The following C19orf12 variants were observed in gnomAD, a reference collection of about 807,000 sequenced individuals.
C19orf12 encodes protein C19orf12.
In C19orf12, 2 loss-of-function variants were observed where a neutral mutation model predicts 3.8. That is an observed-to-expected ratio of 0.53 (90% CI 0.22 to 1.66). C19orf12 has a LOEUF of 1.66. Ranked by LOEUF, C19orf12 falls within the 40% of genes most tolerant of loss-of-function variation. C19orf12 has a pLI of 0.20. For synonymous variants in C19orf12, 89 were observed against 84.6 expected (o/e 1.05, Z -0.28); for missense variants, 156 against 188.8 (o/e 0.83, Z 1.02).
rs1387350950 is a variant in C19orf12, at chr19:29,701,470, A to G, written c.*1242T>C. Reference sequence around the variant, plus strand: ...ATATTGTTTAGGGAATAATGGCAAGAAAAAAAGGTCTGTACGTGTTCAGTA... The same window carrying G: ...ATATTGTTTAGGGAATAATGGCAAGGAAAAAAGGTCTGTACGTGTTCAGTA... On this transcript the variant is annotated 3_prime_UTR_variant, in exon 3 of 3. Coordinates refer to ENST00000323670, the MANE Select transcript of C19orf12 (RefSeq NM_031448.6). The G allele has an allele frequency of 2.2e-6, 1 of 453,982 alleles. No individual in the cohort carries two copies. Among genetic ancestry groups the G allele is most frequent in the Admixed American group, 2.3e-5 (1 of 42,574 alleles). 28.1% of individuals were successfully genotyped at this position (453,982 alleles called of 1,614,324 possible). A position where few individuals can be genotyped will look rare whatever the true frequency, so the allele number is the denominator to read the frequency against.
At chr19:29,704,497 G>T (rs1972274610) in intron 2 of C19orf12, among the ~76,000 whole-genome samples, 1 of 152,158 alleles carries the variant, frequency 6.6e-6, no homozygotes, top group African/African-American at 2.4e-5. Flanking sequence ...ATGTAAGGTA[G>T]CTTACTATTT....
At chr19:29,714,558 C>T (rs1309902034) in intron 1 of C19orf12, among the ~76,000 whole-genome samples, 1 of 152,178 alleles carries the variant, frequency 6.6e-6, no homozygotes, top group Non-Finnish European at 1.5e-5. Context: ...ATTAACGACC[C>T]TTCCTGACCA....
At chr19:29,703,368 T>TTTTTC (rs1568327961) in intron 2 of C19orf12, among the ~76,000 whole-genome samples, 170 of 149,248 alleles carry the variant, frequency 1.1e-3, no homozygotes, top group Middle Eastern at 3.5e-3. Flanking sequence ...ATGCATTTTC[T>TTTTTC]TTTTCTTTTC....
chr19:29,715,509 C>G, upstream of C19orf12: 1 of 317,476 alleles, frequency 3.1e-6, no homozygotes, highest in Non-Finnish European at 6.6e-6. Flanking sequence ...TCCCGCAGGC[C>G]CAGCCCTGCC....
At chr19:29,715,471 A>T (rs762850161), upstream of C19orf12, 4 of 394,470 alleles carry the variant, frequency 1.0e-5, no homozygotes, top group South Asian at 6.9e-5. Flanking sequence ...GCGCCCGGAG[A>T]AGAGTCCTGG....
intron 1 of C19orf12, among the ~76,000 whole-genome samples, chr19:29,713,996 C>CTT (rs1310807912): frequency 1.5e-5 from 2 of 133,490 alleles, no homozygotes; most frequent in Admixed American, 1.6e-4. Flanking sequence ...CTCTTTCGTT[C>CTT]TCTCTCTCTC....
intron 1 of C19orf12, chr19:29,708,660 C>T: frequency 1.7e-6 from 1 of 578,728 alleles, no homozygotes; most frequent in Admixed American, 2.7e-5. Context: ...GTCTTCTTTG[C>T]CCTCTGATTA....
In C19orf12 at chr19:29,701,620, T is replaced by C. The variant is rs1350284628; in HGVS notation, c.*1092A>G. 2 of 453,904 alleles carry C rather than the reference T, an allele frequency of 4.4e-6. No individual in the cohort carries two copies. Among genetic ancestry groups the C allele is most frequent in the Non-Finnish European group, 8.8e-6 (2 of 226,798 alleles). 28.1% of individuals were successfully genotyped at this position (453,904 alleles called of 1,614,324 possible). A position where few individuals can be genotyped will look rare whatever the true frequency, so the allele number is the denominator to read the frequency against. ...TTAGGGTAGAAACATTTCTTAGAGA[T>C]GGTTTATATCACACCACTTCAGAAA... On this transcript the variant is annotated 3_prime_UTR_variant, in exon 3 of 3. Transcript: ENST00000323670.
Position 29,701,250 on chromosome 19 carries a change from G to A in C19orf12, c.*1462C>T, listed in dbSNP as rs894054922. 1 of 454,116 alleles carries A rather than the reference G, an allele frequency of 2.2e-6. No homozygotes were observed. The allele number at this position is 454,116 out of a possible 1,614,324, so 28.1% of individuals were successfully genotyped here. A position where few individuals can be genotyped will look rare whatever the true frequency, so the allele number is the denominator to read the frequency against. ...AAACACACAGTACAGCTATGCCTCA[G>A]TATCCATGGGGGATGGGTTCCAGGA... is the stretch of plus-strand genomic sequence containing the variant. On this transcript the variant is annotated 3_prime_UTR_variant, in exon 3 of 3. Coordinates refer to ENST00000323670, the MANE Select transcript of C19orf12 (RefSeq NM_031448.6).
At position 29,700,791 on chromosome 19, in the gene C19orf12, A is replaced by G. The variant is rs1972045010; in HGVS notation, c.*1921T>C. On this transcript the variant is annotated 3_prime_UTR_variant, in exon 3 of 3. Coordinates refer to ENST00000323670, the MANE Select transcript of C19orf12 (RefSeq NM_031448.6). The stretch of plus-strand genomic sequence containing the variant: ...GGTTATAATTCACCCTGACGTCCTT[A>G]CACACATGGAGGTGCCAGGATACTG... 1 of 454,008 alleles carries G rather than the reference A, an allele frequency of 2.2e-6. No homozygotes were observed. Among genetic ancestry groups the G allele is most frequent in the Non-Finnish European group, 4.4e-6 (1 of 226,794 alleles). The allele number at this position is 454,008 out of a possible 1,614,324, so 28.1% of individuals were successfully genotyped here. A position where few individuals can be genotyped will look rare whatever the true frequency, so the allele number is the denominator to read the frequency against.
chr19:29,700,700 A>T lies in C19orf12; in HGVS notation c.*2012T>A, dbSNP rs997507816. 4 of 454,166 alleles carry T rather than the reference A, an allele frequency of 8.8e-6. No individual in the cohort carries two copies. In the Admixed American group the frequency reaches 9.4e-5, roughly 11 times the overall value. The allele number at this position is 454,166 out of a possible 1,614,324, so 28.1% of individuals were successfully genotyped here. A position where few individuals can be genotyped will look rare whatever the true frequency, so the allele number is the denominator to read the frequency against. ...TGTGCTAGGGCACCTGATTTGTGCT[A>T]GACGAGGCCAGCAGAAGAGCAATCG... is the stretch of plus-strand genomic sequence containing the variant. On this transcript the variant is annotated 3_prime_UTR_variant, in exon 3 of 3. Coordinates refer to ENST00000323670, the MANE Select transcript of C19orf12 (RefSeq NM_031448.6).
At position 29,702,399 on chromosome 19, in the gene C19orf12, C is replaced by A. The variant is rs1354123005; in HGVS notation, c.*313G>T. The A allele has an allele frequency of 1.8e-6, 1 of 570,414 alleles. No individual in the cohort carries two copies. Among genetic ancestry groups the A allele is most frequent in the Non-Finnish European group, 3.3e-6 (1 of 302,312 alleles). The allele number at this position is 570,414 out of a possible 1,614,324, so 35.3% of individuals were successfully genotyped here. On this transcript the variant is annotated 3_prime_UTR_variant, in exon 3 of 3. Transcript: ENST00000323670. ...CTGAGCGTGATCACTTCCCCAGACC[C>A]ATGCGGGTGAGAGGACTCAGCAGAC... is the stretch of plus-strand genomic sequence containing the variant.
At position 29,705,425 on chromosome 19, in the gene C19orf12, G is replaced by C. The variant is rs73924078; in HGVS notation, c.161-2448C>G. 580 of 256,958 alleles carry C rather than the reference G, an allele frequency of 2.3e-3. 7 individuals carry two copies. Among genetic ancestry groups the C allele is most frequent in the African/African-American group, 0.014 (561 of 39,384 alleles). 15.9% of individuals were successfully genotyped at this position (256,958 alleles called of 1,614,324 possible). Reference sequence around the variant, plus strand: ...ACCAAAAAAAAAAAAAAAAAAAAAAGGCCATTAATGCAGAAACTGGTGAAA... The same window carrying C: ...ACCAAAAAAAAAAAAAAAAAAAAAACGCCATTAATGCAGAAACTGGTGAAA... On this transcript the variant is annotated intron_variant, in intron 2 of 2. Transcript: ENST00000323670.
intron 1 of C19orf12, chr19:29,714,859 T>C: frequency 2.5e-6 from 1 of 401,666 alleles, no homozygotes; most frequent in South Asian, 1.8e-5. Context: ...CACTCCTGGG[T>C]GACAGCGAGC....
rs1211465530 is a variant in C19orf12, at chr19:29,701,505, T to C, written c.*1207A>G. On this transcript the variant is annotated 3_prime_UTR_variant, in exon 3 of 3. Transcript: ENST00000323670. The stretch of plus-strand genomic sequence containing the variant: ...CTGTACGTGTTCAGTACCAATGCAA[T>C]TTCTTTTTTCAAATATTTCCTATCC... 2.2e-6 allele frequency: 1 copy of C among 454,150 alleles called. No individual in the cohort carries two copies. The highest frequency in any genetic ancestry group is 4.4e-6 in the Non-Finnish European group (1 of 226,796). The allele number at this position is 454,150 out of a possible 1,614,324, so 28.1% of individuals were successfully genotyped here.
intron 2 of C19orf12, chr19:29,705,510 G>GTTTT: frequency 2.5e-4 from 53 of 209,532 alleles, no homozygotes; most frequent in South Asian, 9.7e-4. Context: ...GGTTTCTTAG[G>GTTTT]TTTTTTTTTT....
At chr19:29,705,385 A>G in intron 2 of C19orf12, 1 of 338,758 alleles carries the variant, frequency 3.0e-6, no homozygotes. Context: ...GCGGTGTCTT[A>G]GACTGGATCC....
intron 1 of C19orf12, among the ~76,000 whole-genome samples, chr19:29,711,036 G>GTTTTTTTTTTTTTTTTTTTTTTTTTTTTT (rs781530564): frequency 1.0e-5 from 1 of 98,274 alleles, no homozygotes. Flanking sequence ...ATACAGAGAG[G>GTTTTTTTTTTTTTTTTTTTTTTTTTTTTT]TTTTTTTTTT....
chr19:29,702,734 G>GC lies in C19orf12; in HGVS notation c.403dup (p.Ala135GlyfsTer6), dbSNP rs2145621443. ...GGCCTAGTCATCATACTGGATCTCGGCCCGCAGCTCCTTGGTGACGTAGTT... is the reference window on the plus strand; with the variant it reads ...GGCCTAGTCATCATACTGGATCTCGGCCCCGCAGCTCCTTGGTGACGTAGTT... On this transcript the variant is annotated frameshift_variant, in exon 3 of 3. Coordinates refer to ENST00000323670, the MANE Select transcript of C19orf12 (RefSeq NM_031448.6). LOFTEE classifies it high-confidence loss of function. 1 of 1,613,772 alleles carries GC rather than the reference G, an allele frequency of 6.2e-7. No homozygotes were observed. Among genetic ancestry groups the GC allele is most frequent in the Non-Finnish European group, 8.5e-7 (1 of 1,180,008 alleles).
Sources: gnomAD v4.1 joint callset for allele counts (sites outside exome capture counted in the v4.1 genomes callset) on GRCh38, gnomAD v4.1.1 for gene constraint, MANE v1.5 for transcripts, NCBI Gene and HGNC (gene_info 2026-07-23, HGNC 2026-07-21) for gene names.